The following MYB variants were observed in gnomAD, a reference collection of about 807,000 sequenced individuals.
MYB encodes MYB proto-oncogene, transcription factor.
Under a neutral mutation model 92.9 loss-of-function variants are expected in MYB, and 28 were observed. That is an observed-to-expected ratio of 0.30 (90% confidence interval 0.22 to 0.41). The LOEUF (loss-of-function observed/expected upper bound fraction) is 0.41. MYB is among the 10% of genes least tolerant of loss of function. MYB has a pLI of 1.00. For missense variants in MYB, 679 were observed against 929.3 expected, an observed-to-expected ratio of 0.73 and a Z score of 3.50; for synonymous variants, 295 against 329.1, an observed-to-expected ratio of 0.90 and a Z score of 1.12.
intron 2 of MYB, among the ~76,000 whole-genome samples, chr6:135,186,605 A>G (rs1000453080): frequency 1.3e-5 from 2 of 152,212 alleles, no homozygotes; most frequent in Non-Finnish European, 2.9e-5. Flanking sequence ...ATAAAACAAA[A>G]CACTCAGAGA....
At position 135,200,435 on chromosome 6, in the gene MYB, G is replaced by A. The variant is rs776878142; in HGVS notation, c.1950+20G>A. 4.5e-5 allele frequency: 73 copies of A among 1,613,692 alleles called. No individual in the cohort carries two copies. The highest frequency in any genetic ancestry group is 1.7e-4 in the Middle Eastern group (1 of 6,058). Reference sequence around the variant, plus strand: ...CAAGAGGTAAACACGCAACCCTTTGGAAGCAACAAGCTGAGAATCCTGCCC... The same window carrying A: ...CAAGAGGTAAACACGCAACCCTTTGAAAGCAACAAGCTGAGAATCCTGCCC... On this transcript the variant is annotated intron_variant, in intron 13 of 15. Transcript: ENST00000341911.
chr6:135,192,607 G>A (rs1165727159), intron 6 of MYB, 49 bp downstream of exon 6: 1 of 1,538,990 alleles, frequency 6.5e-7, no homozygotes, highest in Admixed American at 1.7e-5. Context: ...GGTTAGTTTA[G>A]CTCCAGGTAA....
chr6:135,217,924 TC>T lies in MYB; in HGVS notation c.2232del (p.Ser745ValfsTer7). 6.2e-7 allele frequency: 1 copy of T among 1,613,610 alleles called. No homozygotes were observed. ...CGKMEEQMTSSSQARKYVNAF... is the reference protein window; with the variant it reads ...CGKMEEQMTSXSQARKYVNAF... ...AAAGATGGAGGAGCAGATGACATCT[TC>T]CAGTCAAGCTCGTAAATACGTGAAT... On this transcript the variant is annotated frameshift_variant, in exon 16 of 16. Coordinates refer to ENST00000341911, the MANE Select transcript of MYB (RefSeq NM_001130173.2). LOFTEE classifies it high-confidence loss of function.
At chr6:135,207,032 TTTTG>T (rs758884280) in intron 15 of MYB, among the ~76,000 whole-genome samples, 5 of 152,330 alleles carry the variant, frequency 3.3e-5, no homozygotes, top group East Asian at 1.9e-4. Flanking sequence ...AATTTGGTAA[TTTTG>T]TTTGTTTGAA....
At chr6:135,188,653 G>T (rs1583264060) in intron 3 of MYB, among the ~76,000 whole-genome samples, 1 of 151,900 alleles carries the variant, frequency 6.6e-6, no homozygotes, top group African/African-American at 2.4e-5. Flanking sequence ...GGGATCACAG[G>T]TGCCCGCCAC....
chr6:135,195,061 A>G, intron 8 of MYB: 1 of 1,314,064 alleles, frequency 7.6e-7, no homozygotes, highest in Non-Finnish European at 1.0e-6. Context: ...AACAAAGACA[A>G]TAAAAGAGAA....
At chr6:135,205,733 A>C (rs564453497) in intron 15 of MYB, among the ~76,000 whole-genome samples, 1 of 152,292 alleles carries the variant, frequency 6.6e-6, no homozygotes, top group East Asian at 1.9e-4. Flanking sequence ...TCCTGTCTAA[A>C]CCATATAGTT....
chr6:135,191,310 A>G (rs1583277671), intron 5 of MYB, among the ~76,000 whole-genome samples: 1 of 152,220 alleles, frequency 6.6e-6, no homozygotes, highest in Admixed American at 6.5e-5. Flanking sequence ...AGTAGTATAT[A>G]ACAGATTTTG....
In MYB at chr6:135,195,774, C is replaced by G. The variant is rs372465030; in HGVS notation, c.975C>G (p.Pro325=). ...CACAGAACCACACATGCAGCTACCC[C>G]GGGTGGCACAGCACCACCATTGCCG... ...LPTQNHTCSY[P]GWHSTTIADH... is the part of the protein sequence containing the mutation. Residue 325 remains proline, a synonymous_variant, in exon 9 of 16, where the codon CCC becomes CCG. Coordinates refer to ENST00000341911, the MANE Select transcript of MYB (RefSeq NM_001130173.2). 30 of 1,614,020 alleles carry G rather than the reference C, an allele frequency of 1.9e-5. No homozygotes were observed. The highest frequency in any genetic ancestry group is 2.5e-5 in the Non-Finnish European group (30 of 1,180,022).
chr6:135,184,036 C>T (rs901520857), intron 1 of MYB, among the ~76,000 whole-genome samples: 1 of 152,150 alleles, frequency 6.6e-6, no homozygotes, highest in Admixed American at 6.5e-5. Context: ...TTGGCTGCCC[C>T]CTGCGGGCGG....
chr6:135,196,701 T>C, intron 9 of MYB: 1 of 1,427,494 alleles, frequency 7.0e-7, no homozygotes, highest in Non-Finnish European at 9.3e-7. Context: ...GAAAAGGTCT[T>C]CATTTTGCTT....
chr6:135,197,452 A>C (rs192419301), intron 10 of MYB, 129 bp downstream of exon 10: 6 of 926,628 alleles, frequency 6.5e-6, no homozygotes, highest in Non-Finnish European at 9.8e-6. Flanking sequence ...TCTGTCGTTG[A>C]ATCTAGCTGT....
intron 8 of MYB, chr6:135,195,434 G>C: frequency 3.0e-6 from 1 of 333,472 alleles, no homozygotes; most frequent in South Asian, 4.7e-5. Context: ...TGGACCTTTG[G>C]CAAATTATAT....
chr6:135,206,680 A>T (rs1267279995), intron 15 of MYB, among the ~76,000 whole-genome samples: 1 of 152,134 alleles, frequency 6.6e-6, no homozygotes, highest in Non-Finnish European at 1.5e-5. Context: ...TAGGCAATAG[A>T]GTGAGACTCT....
intron 11 of MYB, 113 bp from the exon 12 acceptor site, chr6:135,199,972 T>C (rs1388891706): frequency 1.2e-6 from 1 of 801,986 alleles, no homozygotes; most frequent in African/African-American, 1.7e-5. Context: ...CCCAATTCCA[T>C]ATCCGGAACA....
chr6:135,196,142 A>C (rs1415730115), intron 9 of MYB, 140 bp downstream of exon 9: 1 of 903,540 alleles, frequency 1.1e-6, no homozygotes, highest in Non-Finnish European at 1.6e-6. Flanking sequence ...TTTCATCTTC[A>C]TGAATATGTT....
At chr6:135,202,878 A>C (rs1011339767) in intron 14 of MYB, 2 of 525,538 alleles carry the variant, frequency 3.8e-6, no homozygotes, top group Non-Finnish European at 7.3e-6. Context: ...TATGAAATAA[A>C]GTGTTCTCTC....
chr6:135,190,327 C>G lies in MYB; in HGVS notation c.507C>G (p.Ile169Met). 6.2e-7 allele frequency: 1 copy of G among 1,613,940 alleles called. No individual in the cohort carries two copies. Among genetic ancestry groups the G allele is most frequent in the Non-Finnish European group, 8.5e-7 (1 of 1,179,832 alleles). The change falls in exon 5 of 16, where the codon ATC (isoleucine) becomes ATG (methionine). Residue 169 changes from isoleucine to methionine, a missense_variant. By Grantham distance (10) the Ile-to-Met change is conservative. Transcript: ENST00000341911. The surrounding 1 kb of genome is among the most constrained non-coding windows in gnomAD (Gnocchi z 4.5). Reference protein sequence around the residue: ...HKRLGNRWAEIAKLLPGRTDN... With the variant: ...HKRLGNRWAEMAKLLPGRTDN... The stretch of plus-strand genomic sequence containing the variant: ...GACTGGGGAACAGATGGGCAGAAAT[C>G]GCAAAGCTACTGCCTGGACGGTAAT...
Position 135,195,804 on chromosome 6 carries a change from C to G in MYB, c.1005C>G (p.His335Gln), listed in dbSNP as rs747633726. 3 of 1,614,106 alleles carry G rather than the reference C, an allele frequency of 1.9e-6. No homozygotes were observed. In the African/African-American group the frequency reaches 4.0e-5, roughly 22 times the overall value. ...PGWHSTTIADHTRPHGDSAPV... is the reference protein window; with the variant it reads ...PGWHSTTIADQTRPHGDSAPV... ...GGCACAGCACCACCATTGCCGACCA[C>G]ACCAGACCTCATGGAGACAGTGCAC... Residue 335 changes from histidine (H) to glutamine (Q), a missense_variant, in exon 9 of 16, where the codon CAC (histidine) becomes CAG (glutamine). By Grantham distance (24) the His-to-Gln change is conservative. This residue lies in a region of MYB where 56 missense variants were observed against 55.8 expected (regional missense o/e 1.00). Coordinates refer to ENST00000341911, the MANE Select transcript of MYB (RefSeq NM_001130173.2).
Sources: allele counts gnomAD v4.1 joint callset (sites outside exome capture counted in the v4.1 genomes callset), GRCh38; gene constraint gnomAD v4.1.1; regional missense constraint gnomAD v4.1.1; non-coding constraint Gnocchi (gnomAD v3.1); transcripts MANE v1.5; gene names NCBI Gene and HGNC (gene_info 2026-07-23, HGNC 2026-07-21).